PMS1: variants seen among roughly 807,000 people sequenced by gnomAD.
PMS1 encodes the protein PMS1 protein homolog 1.
Under a neutral mutation model 93.1 loss-of-function variants are expected in PMS1, and 79 were observed. That is an observed-to-expected ratio of 0.85 (90% CI 0.71 to 1.02). PMS1 has a LOEUF of 1.02. PMS1 is among the 50% of genes least tolerant of loss of function. The pLI is 0.00. For missense variants in PMS1, 1,064 were observed against 1,085.3 expected (o/e 0.98, Z 0.28); for synonymous variants, 335 against 363.4 (o/e 0.92, Z 0.89).
intron 3 of PMS1, among the ~76,000 whole-genome samples, chr2:189,797,907 G>T (rs1326527278): frequency 1.3e-5 from 2 of 152,164 alleles, no homozygotes; most frequent in African/African-American, 4.8e-5. Flanking sequence ...GATACTCCTT[G>T]ACTTATGAGG....
At chr2:189,788,801 C>T (rs2048594917) in intron 1 of PMS1, among the ~76,000 whole-genome samples, 1 of 152,094 alleles carries the variant, frequency 6.6e-6, no homozygotes, top group Non-Finnish European at 1.5e-5. Flanking sequence ...ATTTGGACTA[C>T]CCACGTTTCT....
chr2:189,818,344 C>A (rs2051507933), intron 5 of PMS1, among the ~76,000 whole-genome samples, 164 bp downstream of exon 5: 2 of 152,062 alleles, frequency 1.3e-5, no homozygotes, highest in Admixed American at 1.3e-4. Context: ...GGGCATGGGG[C>A]CTTTGAGGAG....
In PMS1 at chr2:189,809,447, C is replaced by CTTTTTTTTTTTTTT. The variant is rs972672920; in HGVS notation, c.418+3707_418+3720dup. Among the ~76,000 whole-genome samples, 78 of 63,450 alleles carry CTTTTTTTTTTTTTT rather than the reference C, an allele frequency of 1.2e-3. 7 individuals carry two copies. The highest frequency in any genetic ancestry group is 2.2e-3 in the African/African-American group (39 of 18,114). 41.6% of individuals were successfully genotyped at this position (63,450 alleles called of 152,430 possible). On this transcript the variant is annotated intron_variant, in intron 4 of 12. Transcript: ENST00000441310. ...TTGGTGCTTTTAAGGAAGCACATTT[C>CTTTTTTTTTTTTTT]TTTTTTTTTTTTTTTTTTTTTTTTT...
intron 11 of PMS1, among the ~76,000 whole-genome samples, chr2:189,872,912 G>C (rs1007071952): frequency 6.6e-6 from 1 of 152,162 alleles, no homozygotes; most frequent in Admixed American, 6.5e-5. Context: ...AGGATTGCAG[G>C]TGTGAGCCAC....
At chr2:189,855,888 A>G in intron 9 of PMS1, 1 of 1,102,100 alleles carries the variant, frequency 9.1e-7, no homozygotes. Context: ...AGAAAATGAG[A>G]GTGAAATTAT....
rs891924173 is a variant in PMS1 at position 189,854,155 on chromosome 2, GTTTATA to G, written c.967-78_967-73del. On this transcript the variant is annotated intron_variant, in intron 8 of 12. Transcript: ENST00000441310. ...TTACTGTTTTCATATAAAAAGATTT[GTTTATA>G]TTTATCTTTTTTATTATTTAAAATC... 4.8e-5 allele frequency: 66 copies of G among 1,369,376 alleles called. No homozygotes were observed. The East Asian group carries it at 5.8e-4, about 12-fold the overall frequency. The allele number at this position is 1,369,376 out of a possible 1,614,324, so 84.8% of individuals were successfully genotyped here. A position where few individuals can be genotyped will look rare whatever the true frequency, so the allele number is the denominator to read the frequency against.
chr2:189,817,379 C>A (rs2051410902), intron 4 of PMS1, among the ~76,000 whole-genome samples: 1 of 152,048 alleles, frequency 6.6e-6, no homozygotes, highest in South Asian at 2.1e-4. Flanking sequence ...TACCTATGTA[C>A]CTATCGTATA....
chr2:189,793,190 G>A (rs1231774047), intron 2 of PMS1, among the ~76,000 whole-genome samples: 1 of 152,202 alleles, frequency 6.6e-6, no homozygotes, highest in African/African-American at 2.4e-5. Context: ...GCTAAGACTA[G>A]AATCCAGGTC....
chr2:189,790,035 T>C (rs1425721629), intron 1 of PMS1, among the ~76,000 whole-genome samples: 1 of 152,214 alleles, frequency 6.6e-6, no homozygotes, highest in African/African-American at 2.4e-5. Context: ...GCAGGTTGGA[T>C]CTATAAAGGA....
intron 6 of PMS1, 107 bp from the exon 7 acceptor site, chr2:189,852,548 A>G: frequency 1.1e-6 from 1 of 950,304 alleles, no homozygotes; most frequent in Non-Finnish European, 1.7e-6. Flanking sequence ...TTAGACCTTA[A>G]GATGAAAATC....
intron 6 of PMS1, among the ~76,000 whole-genome samples, chr2:189,849,397 T>C (rs2054510776): frequency 6.6e-6 from 1 of 152,218 alleles, no homozygotes; most frequent in Admixed American, 6.5e-5. Flanking sequence ...TATTCTTCTC[T>C]TCTAAACTTG....
chr2:189,836,788 C>T (rs1160925122), intron 5 of PMS1, among the ~76,000 whole-genome samples: 2 of 152,188 alleles, frequency 1.3e-5, no homozygotes, highest in African/African-American at 4.8e-5. Context: ...CTCCCAGACT[C>T]CTAGCATGTT....
intron 2 of PMS1, among the ~76,000 whole-genome samples, 172 bp downstream of exon 2, chr2:189,792,113 T>TTAACATTATAG (rs1406323662): frequency 6.6e-6 from 1 of 152,222 alleles, no homozygotes; most frequent in Non-Finnish European, 1.5e-5. Context: ...TTAATTTAAA[T>TTAACATTATAG]TAACATTATA....
intron 2 of PMS1, 72 bp downstream of exon 2, chr2:189,792,013 C>T: frequency 7.6e-7 from 1 of 1,309,726 alleles, no homozygotes; most frequent in Non-Finnish European, 1.1e-6. Flanking sequence ...TCTCCTTAAA[C>T]TGTTACCTTT....
intron 8 of PMS1, 29 bp downstream of exon 8, chr2:189,854,111 T>C (rs373326526): frequency 2.6e-6 from 4 of 1,513,924 alleles, no homozygotes; most frequent in Non-Finnish European, 3.6e-6. Flanking sequence ...TTTTTTCTTA[T>C]GCTATTTATA....
chr2:189,802,050 T>G (rs2049938526), intron 3 of PMS1, among the ~76,000 whole-genome samples: 1 of 152,218 alleles, frequency 6.6e-6, no homozygotes, highest in African/African-American at 2.4e-5. Flanking sequence ...TTTCTCTCGT[T>G]TTTCCCTCAG....
intron 3 of PMS1, among the ~76,000 whole-genome samples, chr2:189,799,897 C>G (rs746080224): frequency 1.1e-4 from 16 of 152,180 alleles, no homozygotes; most frequent in Admixed American, 5.2e-4. Context: ...TCCCAAAGAA[C>G]CCCCCAATAA....
intron 4 of PMS1, among the ~76,000 whole-genome samples, chr2:189,816,991 T>A (rs942574312): frequency 6.6e-6 from 1 of 152,212 alleles, no homozygotes; most frequent in Non-Finnish European, 1.5e-5. Context: ...AAGATGGTAG[T>A]TTTTAAATAC....
At chr2:189,839,272 C>T (rs569283388) in intron 5 of PMS1, among the ~76,000 whole-genome samples, 3 of 152,184 alleles carry the variant, frequency 2.0e-5, no homozygotes, top group African/African-American at 2.4e-5. Flanking sequence ...ATTACAGGCA[C>T]GAGCCACCAC....
Sources: allele counts gnomAD v4.1 joint callset (sites outside exome capture counted in the v4.1 genomes callset), GRCh38; gene constraint gnomAD v4.1.1; transcripts MANE v1.5; gene names NCBI Gene and HGNC (gene_info 2026-07-23, HGNC 2026-07-21).